The following JAKMIP3 variants were observed in gnomAD, a reference collection of about 807,000 sequenced individuals.
JAKMIP3 encodes the protein janus kinase and microtubule-interacting protein 3.
A neutral mutation model predicts 118.5 loss-of-function variants in JAKMIP3; 58 were observed. The ratio of observed to expected loss-of-function variants is 0.49; its 90% CI spans 0.40 to 0.61. The LOEUF (loss-of-function observed/expected upper bound fraction) is 0.61. Ranked by LOEUF, JAKMIP3 falls within the 20% of genes least tolerant of loss-of-function variation. The pLI, the probability that JAKMIP3 is intolerant of heterozygous loss-of-function variation, is 0.00. For synonymous variants in JAKMIP3, 486 were observed against 451.2 expected, an observed-to-expected ratio of 1.08 and a Z score of -0.98; for missense variants, 950 against 1,109.0, an observed-to-expected ratio of 0.86 and a Z score of 2.04.
chr10:132,162,919 C>T (rs2058508240), intron 19 of JAKMIP3, among the ~76,000 whole-genome samples: 1 of 152,240 alleles, frequency 6.6e-6, no homozygotes, highest in South Asian at 2.1e-4. Context: ...AGCCCCTCCA[C>T]CTCCCACTCA....
chr10:132,097,842 C>T (rs1462047512), intron 1 of JAKMIP3, among the ~76,000 whole-genome samples: 1 of 143,288 alleles, frequency 7.0e-6, no homozygotes, highest in African/African-American at 2.5e-5. Context: ...CCTAAGCTTC[C>T]TATCACAGAG....
rs1004248982 is a variant in JAKMIP3, at chr10:132,140,718, G to A, written c.1473+139G>A. ...TGGGCATGGGCTGCCGGCTTTTCAC[G>A]GGGAAGCCCTTCGCGGCCCTCACTG... On this transcript the variant is annotated intron_variant, in intron 10 of 23. Transcript: ENST00000684848. The A allele has an allele frequency of 1.3e-5, 19 of 1,426,386 alleles. No homozygotes were observed. In the East Asian group the frequency reaches 1.5e-4, roughly 11 times the overall value. The allele number at this position is 1,426,386 out of a possible 1,614,324, so 88.4% of individuals were successfully genotyped here. A position where few individuals can be genotyped will look rare whatever the true frequency, so the allele number is the denominator to read the frequency against.
chr10:132,174,404 C>T (rs997938863), intron 23 of JAKMIP3, among the ~76,000 whole-genome samples: 1 of 151,900 alleles, frequency 6.6e-6, no homozygotes, highest in Non-Finnish European at 1.5e-5. Context: ...GCTCAATGGC[C>T]TCCGTGGCCT....
intron 21 of JAKMIP3, among the ~76,000 whole-genome samples, chr10:132,166,540 C>T (rs961491766): frequency 6.6e-5 from 10 of 152,154 alleles, no homozygotes; most frequent in Non-Finnish European, 1.3e-4. Context: ...TTCTCACAGG[C>T]CTGCTTTTGT....
intron 1 of JAKMIP3, among the ~76,000 whole-genome samples, chr10:132,077,160 T>C (rs1589758413): frequency 6.6e-6 from 1 of 152,100 alleles, no homozygotes; most frequent in Non-Finnish European, 1.5e-5. Flanking sequence ...AGCAAAAGGG[T>C]TTTGCTTCCA....
At chr10:132,178,777 G>A (rs1037691027) in intron 23 of JAKMIP3, among the ~76,000 whole-genome samples, 19 of 152,272 alleles carry the variant, frequency 1.2e-4, no homozygotes, top group Non-Finnish European at 1.6e-4. Flanking sequence ...GCAGAGTTCC[G>A]GACCCCAGGA....
chr10:132,131,075 A>G (rs1417389265), intron 3 of JAKMIP3, among the ~76,000 whole-genome samples: 2 of 151,844 alleles, frequency 1.3e-5, no homozygotes, highest in African/African-American at 4.8e-5. Flanking sequence ...CCTGTCCTGG[A>G]GAGTACCGTC....
At chr10:132,069,948 C>T (rs145900586) in intron 1 of JAKMIP3, among the ~76,000 whole-genome samples, 9 of 152,164 alleles carry the variant, frequency 5.9e-5, no homozygotes, top group African/African-American at 2.2e-4. Context: ...TAGAGTGTGA[C>T]CCACATGGGG....
At chr10:132,090,193 G>C (rs1374020176) in intron 1 of JAKMIP3, among the ~76,000 whole-genome samples, 1 of 152,188 alleles carries the variant, frequency 6.6e-6, no homozygotes, top group Non-Finnish European at 1.5e-5. Context: ...GTCTCTGCCA[G>C]GCTTTGGTTA....
chr10:132,057,486 G>A lies in JAKMIP3; in HGVS notation c.-138+20748G>A, dbSNP rs535540224. Among the ~76,000 whole-genome samples the A allele has an allele frequency of 4.9e-4, 75 of 152,286 alleles. 2 individuals are homozygous for A. In the South Asian group the frequency reaches 0.015, roughly 30 times the overall value. On this transcript the variant is annotated intron_variant, in intron 1 of 23. Transcript: ENST00000657785. ...GGCTGGTTGCACAGGAAGGATAAAT[G>A]TGGGATGCTCACAGGACACACGCTG...
At chr10:132,071,429 G>T (rs1043749575) in intron 1 of JAKMIP3, among the ~76,000 whole-genome samples, 2 of 152,174 alleles carry the variant, frequency 1.3e-5, no homozygotes, top group Non-Finnish European at 2.9e-5. Flanking sequence ...GATCCACTTG[G>T]TTAATGGTGG....
intron 18 of JAKMIP3, 23 bp from the exon 19 acceptor site, chr10:132,153,890 G>A: frequency 6.2e-7 from 1 of 1,612,944 alleles, no homozygotes; most frequent in Non-Finnish European, 8.5e-7. Context: ...CCGAGACCGA[G>A]GCATGGCCCT....
chr10:132,175,306 T>C (rs1378767732), intron 23 of JAKMIP3, among the ~76,000 whole-genome samples: 2 of 152,198 alleles, frequency 1.3e-5, no homozygotes, highest in Non-Finnish European at 2.9e-5. Context: ...TGGATTGAAG[T>C]TTATTTTTTG....
chr10:132,166,795 C>T (rs552683699), intron 21 of JAKMIP3, among the ~76,000 whole-genome samples, 188 bp from the exon 22 acceptor site: 1 of 152,296 alleles, frequency 6.6e-6, no homozygotes, highest in South Asian at 2.1e-4. Context: ...GGGGTGGCGG[C>T]ACCACCCCTC....
chr10:132,045,291 T>C (rs1407133578), intron 1 of JAKMIP3, among the ~76,000 whole-genome samples: 1 of 152,180 alleles, frequency 6.6e-6, no homozygotes, highest in Non-Finnish European at 1.5e-5. Context: ...GCCTGTTTCA[T>C]GCTTGTTGGC....
intron 2 of JAKMIP3, among the ~76,000 whole-genome samples, chr10:132,108,970 ATT>A (rs2046353678): frequency 1.0e-5 from 1 of 96,734 alleles, no homozygotes; most frequent in Non-Finnish European, 2.2e-5. Context: ...GTATATATAA[ATT>A]ATATACGCAA....
At chr10:132,128,687 T>C (rs548492671) in intron 3 of JAKMIP3, among the ~76,000 whole-genome samples, 51 of 152,180 alleles carry the variant, frequency 3.4e-4, no homozygotes, top group Non-Finnish European at 5.3e-4. Context: ...TAAACCTTTG[T>C]AATGAATTTC....
At chr10:132,071,853 C>CCTTTCTTTCCTTCCTTTCTTTCCTTT (rs2039950255) in intron 1 of JAKMIP3, among the ~76,000 whole-genome samples, 2 of 114,938 alleles carry the variant, frequency 1.7e-5, no homozygotes, top group African/African-American at 7.6e-5. Flanking sequence ...TTCTTTCTTT[C>CCTTTCTTTCCTTCCTTTCTTTCCTTT]CTTTCTTTCC....
intron 21 of JAKMIP3, among the ~76,000 whole-genome samples, chr10:132,165,487 A>G (rs1009499803): frequency 6.6e-6 from 1 of 152,156 alleles, no homozygotes; most frequent in Non-Finnish European, 1.5e-5. Context: ...TAAATCTGCT[A>G]TGCGGTGGAG....
Sources: allele counts gnomAD v4.1 joint callset (sites outside exome capture counted in the v4.1 genomes callset), GRCh38; gene constraint gnomAD v4.1.1; transcripts MANE v1.5; gene names NCBI Gene and HGNC (gene_info 2026-07-23, HGNC 2026-07-21).